Variants in C1orf21 observed in about 807,000 individuals in gnomAD.
The protein encoded by C1orf21 is uncharacterized protein C1orf21.
In C1orf21, 3 loss-of-function variants were observed where a neutral mutation model predicts 18.7. The observed-to-expected ratio is 0.16, with a 90% CI of 0.07 to 0.42. The LOEUF (loss-of-function observed/expected upper bound fraction) is 0.42. Ranked by LOEUF, C1orf21 falls within the 10% of genes least tolerant of loss-of-function variation. The pLI is 0.99. For missense variants in C1orf21, 104 were observed against 143.6 expected, an observed-to-expected ratio of 0.72 and a Z score of 1.41; for synonymous variants, 41 against 46.4, an observed-to-expected ratio of 0.88 and a Z score of 0.47.
intron 5 of C1orf21, among the ~76,000 whole-genome samples, chr1:184,611,999 C>G (rs954053480): frequency 2.3e-4 from 35 of 151,806 alleles, no homozygotes; most frequent in African/African-American, 8.3e-4. Context: ...ACCCCAAAAG[C>G]TACTGAAATA....
At chr1:184,608,801 G>A (rs1659687027) in intron 5 of C1orf21, among the ~76,000 whole-genome samples, 1 of 152,066 alleles carries the variant, frequency 6.6e-6, no homozygotes. Context: ...TCCTCTTCTG[G>A]GGTGCATGCA....
intron 3 of C1orf21, among the ~76,000 whole-genome samples, chr1:184,518,820 A>G (rs1210233185): frequency 6.6e-6 from 1 of 152,162 alleles, no homozygotes; most frequent in African/African-American, 2.4e-5. Context: ...GAGGAGATAG[A>G]TAAACATACT....
intron 3 of C1orf21, among the ~76,000 whole-genome samples, chr1:184,526,320 G>A (rs1164623361): frequency 1.3e-5 from 2 of 152,290 alleles, no homozygotes; most frequent in Middle Eastern, 3.4e-3. Flanking sequence ...CAGAAGCTGA[G>A]GATGTTTGAC....
Position 184,457,584 on chromosome 1 carries a change from T to C in C1orf21, c.-124-19802T>C, listed in dbSNP as rs575405086. 4.6e-5 allele frequency among the ~76,000 whole-genome samples: 7 copies of C among 152,334 alleles called. No homozygotes were observed. In the South Asian group the frequency reaches 1.0e-3, roughly 23 times the overall value. The stretch of plus-strand genomic sequence containing the variant: ...GAACACTGGTTTTGGGGCTCAGTCA[T>C]TGAAAGCTGCTGTCTCTGTACTGCA... On this transcript the variant is annotated intron_variant, in intron 1 of 5. Transcript: ENST00000235307.
Position 184,460,620 on chromosome 1 carries a change from G to GTCTTCTTCT in C1orf21, c.-124-16707_-124-16699dup, listed in dbSNP as rs201481780. 6.5e-3 allele frequency among the ~76,000 whole-genome samples: 730 copies of GTCTTCTTCT among 112,062 alleles called. 2 individuals are homozygous for GTCTTCTTCT. The highest frequency in any genetic ancestry group is 0.01 in the African/African-American group (262 of 25,210). 73.5% of individuals were successfully genotyped at this position (112,062 alleles called of 152,430 possible). ...TTGGGCTGTTAGTATTGTCGTCGTC[G>GTCTTCTTCT]TCTTCTTCTTCTTCTTCTTCTTCTT... On this transcript the variant is annotated intron_variant, in intron 1 of 5. Coordinates refer to ENST00000235307, the MANE Select transcript of C1orf21 (RefSeq NM_030806.4).
At chr1:184,421,739 G>A (rs1656549990) in intron 1 of C1orf21, among the ~76,000 whole-genome samples, 1 of 152,180 alleles carries the variant, frequency 6.6e-6, no homozygotes. Flanking sequence ...CTCCATGGGT[G>A]AGAAATTCAA....
chr1:184,595,625 G>A (rs1659501383), intron 4 of C1orf21, among the ~76,000 whole-genome samples: 1 of 152,178 alleles, frequency 6.6e-6, no homozygotes, highest in Non-Finnish European at 1.5e-5. Context: ...ATCCAATGGA[G>A]AACAGCAGAG....
At chr1:184,518,836 T>C (rs1658266052) in intron 3 of C1orf21, among the ~76,000 whole-genome samples, 1 of 152,006 alleles carries the variant, frequency 6.6e-6, no homozygotes, top group Non-Finnish European at 1.5e-5. Context: ...ATACTGTGAG[T>C]CTCTGATGGA....
intron 1 of C1orf21, among the ~76,000 whole-genome samples, chr1:184,433,895 C>T (rs1478370708): frequency 6.6e-6 from 1 of 152,092 alleles, no homozygotes; most frequent in Non-Finnish European, 1.5e-5. Flanking sequence ...CTATTTCTTT[C>T]CCATGCCTGA....
intron 3 of C1orf21, among the ~76,000 whole-genome samples, chr1:184,542,936 C>T (rs116726270): frequency 0.011 from 1,637 of 152,232 alleles, 32 homozygotes; most frequent in African/African-American, 0.038. Context: ...TATCCAAAGC[C>T]TTCTTTGACT....
intron 5 of C1orf21, among the ~76,000 whole-genome samples, chr1:184,617,532 C>T (rs1263738796): frequency 6.6e-6 from 1 of 152,206 alleles, no homozygotes; most frequent in African/African-American, 2.4e-5. Context: ...TGACTCAGAG[C>T]ATGTCTCCTG....
intron 3 of C1orf21, chr1:184,539,924 A>G (rs950255076): frequency 2.0e-5 from 3 of 152,248 alleles, no homozygotes; most frequent in Non-Finnish European, 4.4e-5. Flanking sequence ...TTCAATCTGC[A>G]TTCCTGAATA....
intron 1 of C1orf21, among the ~76,000 whole-genome samples, chr1:184,457,876 A>G (rs981097871): frequency 2.0e-5 from 3 of 152,220 alleles, no homozygotes; most frequent in Non-Finnish European, 4.4e-5. Flanking sequence ...ACTTCCTGAT[A>G]AGTATTCGCT....
chr1:184,423,922 C>T (rs1656589563), intron 1 of C1orf21, among the ~76,000 whole-genome samples: 1 of 151,980 alleles, frequency 6.6e-6, no homozygotes, highest in Non-Finnish European at 1.5e-5. Context: ...TTAAGGGTTT[C>T]CTTAATGCCT....
chr1:184,595,466 G>A (rs984227779), intron 4 of C1orf21, among the ~76,000 whole-genome samples: 2 of 152,182 alleles, frequency 1.3e-5, no homozygotes, highest in South Asian at 4.1e-4. Flanking sequence ...TATTCATGGT[G>A]CTGTGTGGAT....
intron 1 of C1orf21, among the ~76,000 whole-genome samples, chr1:184,471,030 T>A (rs563800780): frequency 1.3e-5 from 2 of 152,122 alleles, no homozygotes; most frequent in African/African-American, 2.4e-5. Flanking sequence ...GGCTGGTGTT[T>A]TCCTCTCTTG....
At chr1:184,567,499 G>A in intron 3 of C1orf21, 12 of 537,102 alleles carry the variant, frequency 2.2e-5, no homozygotes, top group South Asian at 1.7e-4. Context: ...TAGGGAAGCT[G>A]AGTGCAGTGA....
At chr1:184,400,790 T>A (rs1343319287) in intron 1 of C1orf21, among the ~76,000 whole-genome samples, 2 of 152,190 alleles carry the variant, frequency 1.3e-5, no homozygotes, top group Non-Finnish European at 2.9e-5. Flanking sequence ...TGAACAGTGG[T>A]GCAATAAACA....
At chr1:184,464,706 C>G (rs1170013158) in intron 1 of C1orf21, among the ~76,000 whole-genome samples, 4 of 152,174 alleles carry the variant, frequency 2.6e-5, no homozygotes, top group African/African-American at 9.6e-5. Context: ...GGTGTATAGA[C>G]TTCCTCCTGG....
Sources: gnomAD v4.1 joint callset for allele counts (sites outside exome capture counted in the v4.1 genomes callset) on GRCh38, gnomAD v4.1.1 for gene constraint, MANE v1.5 for transcripts, NCBI Gene and HGNC (gene_info 2026-07-23, HGNC 2026-07-21) for gene names.